Variants in EFHC2 observed in about 807,000 individuals in gnomAD.
EFHC2 encodes EF-hand domain containing 2, also known as EF-hand domain-containing family member C2.
Under a neutral mutation model 52.7 loss-of-function variants are expected in EFHC2, and 18 were observed. That is an observed-to-expected ratio of 0.34 (90% CI 0.24 to 0.51). The LOEUF is 0.51. Among genes scored for constraint, EFHC2 ranks in the 20% least tolerant of loss-of-function variants. The pLI is 0.97. For missense variants in EFHC2, 513 were observed against 562.5 expected (o/e 0.91, Z 0.89); for synonymous variants, 203 against 204.1 (o/e 0.99, Z 0.04).
At chrX:44,235,719 A>G (rs902808465) in intron 8 of EFHC2, among the ~76,000 whole-genome samples, 2 of 112,573 alleles carry the variant, frequency 1.8e-5, no homozygotes, top group African/African-American at 6.5e-5. Context: ...CACTGTTCAA[A>G]CCAGCTGCAC....
intron 4 of EFHC2, among the ~76,000 whole-genome samples, chrX:44,250,778 T>A (rs1217775114): frequency 4.9e-5 from 5 of 101,603 alleles, no homozygotes; most frequent in Non-Finnish European, 9.9e-5. Flanking sequence ...TGAGCCATGT[T>A]CACACCACTG....
At chrX:44,276,401 C>T (rs1479013019) in intron 2 of EFHC2, among the ~76,000 whole-genome samples, 1 of 111,440 alleles carries the variant, frequency 9.0e-6, no homozygotes, top group Non-Finnish European at 1.9e-5. Context: ...TGCATTCCAG[C>T]TTGGGTGACA....
At chrX:44,236,001 C>G (rs2037317442) in intron 8 of EFHC2, among the ~76,000 whole-genome samples, 1 of 109,461 alleles carries the variant, frequency 9.1e-6, no homozygotes, top group Non-Finnish European at 1.9e-5. Context: ...AATGCTATAA[C>G]AAATATGATA....
At chrX:44,233,467 G>C (rs1354926288) in intron 9 of EFHC2, among the ~76,000 whole-genome samples, 1 of 111,378 alleles carries the variant, frequency 9.0e-6, no homozygotes, top group African/African-American at 3.3e-5. Flanking sequence ...CTCTTGGAAA[G>C]TAGCCAGTAG....
intron 11 of EFHC2, among the ~76,000 whole-genome samples, chrX:44,203,367 C>T (rs1024703250): frequency 3.6e-5 from 4 of 110,773 alleles, no homozygotes; most frequent in Non-Finnish European, 1.9e-5. Context: ...TCGGAGTTAC[C>T]CTCCCTGGAC....
chrX:44,242,038 A>G, intron 8 of EFHC2, 83 bp downstream of exon 8: 1 of 954,839 alleles, frequency 1.0e-6, no homozygotes, highest in Non-Finnish European at 1.4e-6. Context: ...GCTGCGTGAC[A>G]TCTGTTTCGT....
intron 2 of EFHC2, among the ~76,000 whole-genome samples, chrX:44,283,061 G>C (rs941004468): frequency 2.7e-5 from 3 of 111,855 alleles, no homozygotes; most frequent in Non-Finnish European, 5.6e-5. Flanking sequence ...GGGCATCTAG[G>C]CCAGAAGCCC....
chrX:44,316,517 A>C (rs2037983802), intron 1 of EFHC2, among the ~76,000 whole-genome samples: 1 of 112,104 alleles, frequency 8.9e-6, no homozygotes, highest in South Asian at 3.7e-4. Context: ...CATCAAAATT[A>C]GAACTGTGTG....
chrX:44,172,606 G>T (rs1057282041), intron 13 of EFHC2, among the ~76,000 whole-genome samples: 5 of 111,938 alleles, frequency 4.5e-5, no homozygotes, highest in African/African-American at 1.3e-4. Flanking sequence ...CAGGAGCTCA[G>T]ATAGAGGCAA....
chrX:44,209,019 CTGTGTGTGTGTGTGTGTG>C (rs753101565), intron 11 of EFHC2, among the ~76,000 whole-genome samples: 2,133 of 69,957 alleles, frequency 0.03, 50 homozygotes, highest in African/African-American at 0.049. Flanking sequence ...GATTGGCAAT[CTGTGTGTGTGTGTGTGTG>C]TGTGTGTGTG....
chrX:44,313,885 G>T (rs2037966592), intron 1 of EFHC2, among the ~76,000 whole-genome samples: 1 of 111,212 alleles, frequency 9.0e-6, no homozygotes, highest in South Asian at 3.8e-4. Flanking sequence ...AACCTGGGAG[G>T]CGGAGGTTGC....
chrX:44,181,868 C>T (rs2036838209), intron 11 of EFHC2, among the ~76,000 whole-genome samples: 1 of 112,712 alleles, frequency 8.9e-6, no homozygotes, highest in Non-Finnish European at 1.9e-5. Flanking sequence ...GACTCACCCC[C>T]GCCCTGTTAA....
At chrX:44,283,923 G>A (rs1375535096) in intron 2 of EFHC2, 1 of 109,264 alleles carries the variant, frequency 9.2e-6, no homozygotes, top group Non-Finnish European at 1.9e-5. Flanking sequence ...GGGGCCCGTC[G>A]GCACGCAGAA....
At chrX:44,276,261 C>A (rs1452371194) in intron 2 of EFHC2, among the ~76,000 whole-genome samples, 1 of 111,018 alleles carries the variant, frequency 9.0e-6, no homozygotes. Flanking sequence ...GTCTCTCCAA[C>A]AATTTTTCTT....
intron 7 of EFHC2, among the ~76,000 whole-genome samples, chrX:44,243,708 A>G (rs2037378132): frequency 8.9e-6 from 1 of 112,160 alleles, no homozygotes; most frequent in Non-Finnish European, 1.9e-5. Context: ...ACATGTTTAT[A>G]AAGGTGACTC....
At chrX:44,328,941 C>G (rs2038069338) in intron 1 of EFHC2, among the ~76,000 whole-genome samples, 1 of 111,591 alleles carries the variant, frequency 9.0e-6, no homozygotes, top group Non-Finnish European at 1.9e-5. Context: ...TCCGCCCGCT[C>G]CCGGACTGTG....
chrX:44,179,626 G>A (rs776996567), intron 11 of EFHC2, among the ~76,000 whole-genome samples: 1 of 111,850 alleles, frequency 8.9e-6, no homozygotes, highest in East Asian at 2.8e-4. Context: ...AGTTTCCTGG[G>A]TTGTTTTGTT....
Position 44,176,357 on chromosome X carries a change from A to T in EFHC2, c.1977T>A (p.Ile659=). 1 of 1,199,113 alleles carries T rather than the reference A, an allele frequency of 8.3e-7. No individual in the cohort carries two copies. The highest frequency in any genetic ancestry group is 1.9e-5 in the South Asian group (1 of 53,575). ...EKKNVLPTKD[I]KRLCKSSRLP... is the part of the protein sequence containing the mutation. ...ATCTGGAGGATTTGCACAGCCTTTTAATGTCTTTGGTGGGTAATACATTTT... is the reference window on the plus strand; with the variant it reads ...ATCTGGAGGATTTGCACAGCCTTTTTATGTCTTTGGTGGGTAATACATTTT... The change falls in exon 13 of 15, where the codon ATT becomes ATA. Residue 659 remains isoleucine (I), a synonymous_variant. Transcript: ENST00000420999.
At chrX:44,176,199 C>A in intron 13 of EFHC2, 93 bp downstream of exon 13, 1 of 687,673 alleles carries the variant, frequency 1.5e-6, no homozygotes. Flanking sequence ...AAGGGTAAAT[C>A]AAGGGTAATT....
Sources: allele counts gnomAD v4.1 joint callset (sites outside exome capture counted in the v4.1 genomes callset), GRCh38; gene constraint gnomAD v4.1.1; transcripts MANE v1.5; gene names NCBI Gene and HGNC (gene_info 2026-07-23, HGNC 2026-07-21).